RNF8: variants seen among roughly 807,000 people sequenced by gnomAD.
RNF8 encodes the protein E3 ubiquitin-protein ligase RNF8.
In RNF8, 8 loss-of-function variants were observed where a neutral mutation model predicts 59.3. The observed-to-expected ratio is 0.13, with a 90% CI of 0.08 to 0.24. The LOEUF (loss-of-function observed/expected upper bound fraction) is 0.24, where lower values mean the gene tolerates loss of function less well. Among genes scored for constraint, RNF8 ranks in the 10% least tolerant of loss-of-function variants. The probability of loss-of-function intolerance (pLI) is 1.00; values close to 1 mark genes in which losing one functional copy is unlikely to be tolerated. For synonymous variants in RNF8, 162 were observed against 200.0 expected, an observed-to-expected ratio of 0.81 and a Z score of 1.60; for missense variants, 406 against 572.6, an observed-to-expected ratio of 0.71 and a Z score of 2.97.
chr6:37,355,405 T>C (rs1769075890), intron 1 of RNF8, among the ~76,000 whole-genome samples: 1 of 152,212 alleles, frequency 6.6e-6, no homozygotes, highest in South Asian at 2.1e-4. Context: ...GCCAGGTATT[T>C]ACTGAGTATT....
chr6:37,392,561 A>G lies in RNF8; in HGVS notation c.*1803A>G. 1 of 398,630 alleles carries G rather than the reference A, an allele frequency of 2.5e-6. No individual in the cohort carries two copies. Among genetic ancestry groups the G allele is most frequent in the Non-Finnish European group, 4.4e-6 (1 of 226,062 alleles). 24.7% of individuals were successfully genotyped at this position (398,630 alleles called of 1,614,324 possible). On this transcript the variant is annotated 3_prime_UTR_variant, in exon 8 of 8. Transcript: ENST00000373479. The stretch of plus-strand genomic sequence containing the variant: ...TGGTCTTTTTCCTTGCTTTGCACAA[A>G]TGGTAAACTGTACGCTATTCTGAAC...
chr6:37,384,688 AG>A (rs1770420489), intron 7 of RNF8, among the ~76,000 whole-genome samples: 3 of 152,234 alleles, frequency 2.0e-5, no homozygotes, highest in Non-Finnish European at 4.4e-5. Context: ...GGCAAAGCCC[AG>A]GCTCTGAAGA....
chr6:37,376,560 C>T (rs1313878680), intron 5 of RNF8, among the ~76,000 whole-genome samples: 7 of 152,078 alleles, frequency 4.6e-5, no homozygotes, highest in Admixed American at 1.3e-4. Context: ...TCCTTGGGCC[C>T]CTTTAAGGCC....
chr6:37,371,452 T>C (rs1054614688), intron 3 of RNF8, 60 bp from the exon 4 acceptor site: 2 of 1,445,722 alleles, frequency 1.4e-6, no homozygotes, highest in Admixed American at 3.4e-5. Flanking sequence ...TGTTGCTGGA[T>C]TGTGTTCCTT....
chr6:37,370,547 C>G (rs779240304), intron 3 of RNF8, among the ~76,000 whole-genome samples: 4 of 152,136 alleles, frequency 2.6e-5, no homozygotes, highest in Non-Finnish European at 5.9e-5. Flanking sequence ...GAGAATTTCT[C>G]TGGGTATGAG....
chr6:37,374,621 A>G lies in RNF8; in HGVS notation c.1040A>G (p.His347Arg), dbSNP rs746556580. Residue 347 changes from histidine to arginine, a missense_variant and splice_region_variant, in exon 5 of 8, where the codon CAT becomes CGT. His to Arg is a conservative substitution (Grantham distance 29). Coordinates refer to ENST00000373479, the MANE Select transcript of RNF8 (RefSeq NM_003958.4). The part of the protein sequence containing the change: ...KQQLAQALQE[H>R]WALMEELNRS... ...TATGTATCTGCTATGTTTTTGCAGC[A>G]TTGGGCTCTAATGGAAGAGCTAAAT... 1.2e-6 allele frequency: 2 copies of G among 1,613,444 alleles called. No homozygotes were observed. Among genetic ancestry groups the G allele is most frequent in the Non-Finnish European group, 1.7e-6 (2 of 1,179,438 alleles).
At chr6:37,377,369 A>G (rs1327094999) in intron 6 of RNF8, among the ~76,000 whole-genome samples, 1 of 151,946 alleles carries the variant, frequency 6.6e-6, no homozygotes, top group African/African-American at 2.4e-5. Context: ...GAGTCACCAC[A>G]CCCAGCCGAC....
At chr6:37,362,240 T>C (rs985397920) in intron 2 of RNF8, among the ~76,000 whole-genome samples, 3 of 151,602 alleles carry the variant, frequency 2.0e-5, no homozygotes, top group Non-Finnish European at 4.4e-5. Flanking sequence ...GATCCACTTA[T>C]GGGATTAGCA....
intron 7 of RNF8, among the ~76,000 whole-genome samples, chr6:37,385,111 T>A (rs1350562201): frequency 6.6e-6 from 1 of 151,696 alleles, no homozygotes; most frequent in Non-Finnish European, 1.5e-5. Flanking sequence ...CCTCCCGGGT[T>A]CAAGCAATTC....
intron 7 of RNF8, 128 bp downstream of exon 7, chr6:37,381,482 G>T: frequency 1.3e-6 from 1 of 785,670 alleles, no homozygotes; most frequent in Non-Finnish European, 2.0e-6. Context: ...TGGAATAAAT[G>T]GGGAGGAGTA....
At chr6:37,376,791 A>C (rs1298225814) in intron 5 of RNF8, 135 bp from the exon 6 acceptor site, 1 of 638,212 alleles carries the variant, frequency 1.6e-6, no homozygotes, top group East Asian at 2.7e-5. Context: ...AAAGTGTTCT[A>C]TTCTTAATGT....
At chr6:37,381,561 G>A (rs1446998878) in intron 7 of RNF8, among the ~76,000 whole-genome samples, 1 of 152,168 alleles carries the variant, frequency 6.6e-6, no homozygotes, top group Non-Finnish European at 1.5e-5. Flanking sequence ...TACTTGAGCA[G>A]CAGGGAAGTG....
intron 2 of RNF8, among the ~76,000 whole-genome samples, chr6:37,364,852 C>T (rs1461375949): frequency 6.6e-6 from 1 of 152,158 alleles, no homozygotes; most frequent in African/African-American, 2.4e-5. Flanking sequence ...CTCCCCAAAC[C>T]TCTGCCTCCC....
At position 37,380,905 on chromosome 6, in the gene RNF8, A is replaced by G. The variant is rs536989504; in HGVS notation, c.1237-245A>G. ...ACCATGTTGCCCAGGCTGGTCTCAA[A>G]CTCCTGACCTCAGGTGACCCACCCA... On this transcript the variant is annotated intron_variant, in intron 6 of 7. Coordinates refer to ENST00000373479, the MANE Select transcript of RNF8 (RefSeq NM_003958.4). Among the ~76,000 whole-genome samples, 219 of 151,978 alleles carry G rather than the reference A, an allele frequency of 1.4e-3. 2 individuals carry two copies. The highest frequency in any genetic ancestry group is 5.6e-3 in the South Asian group (27 of 4,810).
intron 4 of RNF8, 70 bp downstream of exon 4, chr6:37,371,644 C>A: frequency 8.0e-7 from 1 of 1,256,702 alleles, no homozygotes; most frequent in Non-Finnish European, 1.2e-6. Context: ...CACATGACCA[C>A]TGGCTGCCTC....
At chr6:37,368,338 A>G in intron 2 of RNF8, 146 bp from the exon 3 acceptor site, 1 of 1,587,522 alleles carries the variant, frequency 6.3e-7, no homozygotes, top group Non-Finnish European at 8.5e-7. Flanking sequence ...GTTTCTAAGG[A>G]TGGTCGTTTA....
intron 1 of RNF8, chr6:37,359,102 A>G (rs1327830519): frequency 2.7e-6 from 1 of 376,374 alleles, no homozygotes; most frequent in Non-Finnish European, 5.2e-6. Context: ...TCAAAAAAAC[A>G]AAAAAAAATT....
At chr6:37,384,401 C>A (rs1280928633) in intron 7 of RNF8, among the ~76,000 whole-genome samples, 4 of 152,296 alleles carry the variant, frequency 2.6e-5, no homozygotes, top group Non-Finnish European at 5.9e-5. Flanking sequence ...CTCCGCCCCC[C>A]AAAGTGCTGG....
chr6:37,354,209 C>T lies in RNF8; in HGVS notation c.45C>T (p.Gly15=). ...TCGTCACAGGAGACCGCGCCGGTGG[C>T]CGGAGCTGGTGCCTGCGGCGGGTGG... is the stretch of plus-strand genomic sequence containing the variant. ...GFFVTGDRAG[G]RSWCLRRVGM... Residue 15 remains glycine, a synonymous_variant, in exon 1 of 8, where the codon GGC becomes GGT. Transcript: ENST00000373479. 6.3e-7 allele frequency: 1 copy of T among 1,589,692 alleles called. No homozygotes were observed.
Sources: allele counts gnomAD v4.1 joint callset (sites outside exome capture counted in the v4.1 genomes callset), GRCh38; gene constraint gnomAD v4.1.1; transcripts MANE v1.5; gene names NCBI Gene and HGNC (gene_info 2026-07-23, HGNC 2026-07-21).